Variants in AOPEP observed in about 807,000 individuals in gnomAD.
AOPEP encodes the protein aminopeptidase O.
In AOPEP, 77 loss-of-function variants were observed where a neutral mutation model predicts 98.1. That is an observed-to-expected ratio of 0.78 (90% CI 0.65 to 0.95). The LOEUF is 0.95. Ranked by LOEUF, AOPEP falls within the 40% of genes least tolerant of loss-of-function variation. The pLI is 0.00. For synonymous variants in AOPEP, 346 were observed against 365.3 expected, an observed-to-expected ratio of 0.95 and a Z score of 0.60; for missense variants, 1,024 against 1,024.7, an observed-to-expected ratio of 1.00 and a Z score of 0.01.
chr9:94,906,484 A>ATAATAAT (rs201137956), intron 5 of AOPEP, among the ~76,000 whole-genome samples: 5 of 79,768 alleles, frequency 6.3e-5, no homozygotes, highest in Non-Finnish European at 2.1e-4. Flanking sequence ...AATAATAATA[A>ATAATAAT]AAAAACAGAC....
chr9:95,051,140 A>T (rs1445169168), intron 13 of AOPEP, among the ~76,000 whole-genome samples: 1 of 138,946 alleles, frequency 7.2e-6, no homozygotes, highest in African/African-American at 2.6e-5. Flanking sequence ...CCCAGGCTGA[A>T]GTGCAATGGC....
At chr9:94,821,961 G>C (rs753859293) in intron 5 of AOPEP, among the ~76,000 whole-genome samples, 1 of 136,096 alleles carries the variant, frequency 7.3e-6, no homozygotes, top group Non-Finnish European at 1.6e-5. Context: ...TGTGCACCCT[G>C]TGTGTGTAAA....
chr9:94,984,328 C>T (rs1050950334), intron 11 of AOPEP, among the ~76,000 whole-genome samples: 7 of 152,062 alleles, frequency 4.6e-5, no homozygotes, highest in South Asian at 2.1e-4. Flanking sequence ...CGCACCTAGC[C>T]GGAGCTGATT....
intron 1 of AOPEP, among the ~76,000 whole-genome samples, chr9:94,732,728 A>T (rs1830837683): frequency 6.6e-6 from 1 of 152,202 alleles, no homozygotes; most frequent in African/African-American, 2.4e-5. Context: ...TTCTCTCCAG[A>T]CCATGAAAAT....
chr9:95,005,298 C>T (rs2061910970), intron 12 of AOPEP, 78 bp downstream of exon 12: 1 of 804,016 alleles, frequency 1.2e-6, no homozygotes, highest in African/African-American at 1.8e-5. Flanking sequence ...CCTGGCTCTG[C>T]GCTGCGGCGC....
At chr9:94,818,530 G>A (rs1012680217) in intron 5 of AOPEP, among the ~76,000 whole-genome samples, 1 of 152,176 alleles carries the variant, frequency 6.6e-6, no homozygotes, top group Non-Finnish European at 1.5e-5. Flanking sequence ...ATTTAGAGCA[G>A]CACCTACATT....
intron 5 of AOPEP, among the ~76,000 whole-genome samples, chr9:94,820,062 C>T (rs1474667575): frequency 1.3e-5 from 2 of 150,336 alleles, no homozygotes; most frequent in Non-Finnish European, 3.0e-5. Context: ...TCTCCTGCCT[C>T]ACCCTCCTGA....
intron 1 of AOPEP, among the ~76,000 whole-genome samples, chr9:94,747,041 GT>G (rs59283562): frequency 0.64 from 91,705 of 143,438 alleles, 28,894 homozygotes; most frequent in South Asian, 0.74. Context: ...ACTCCAGTGG[GT>G]TTTTTTTTTT....
chr9:94,895,219 T>TAAAAAAAAAAAAAAAAAAA (rs907258167), intron 5 of AOPEP, among the ~76,000 whole-genome samples: 1 of 60,690 alleles, frequency 1.6e-5, no homozygotes, highest in African/African-American at 5.2e-5. Flanking sequence ...TCATCTCTAC[T>TAAAAAAAAAAAAAAAAAAA]AAAAAAAAAT....
intron 5 of AOPEP, among the ~76,000 whole-genome samples, chr9:94,828,512 C>A (rs571659417): frequency 1.3e-5 from 2 of 152,036 alleles, no homozygotes; most frequent in East Asian, 3.9e-4. Context: ...TTGTGCTGGA[C>A]GCCAGGGATA....
the AOPEP span, among the ~76,000 whole-genome samples, chr9:95,106,731 C>A: frequency 6.6e-6 from 1 of 152,204 alleles, no homozygotes; most frequent in Non-Finnish European, 1.5e-5. Flanking sequence ...TTACTTCTTT[C>A]CATGAGGAGG....
chr9:94,937,250 A>G (rs1186220990), intron 7 of AOPEP, among the ~76,000 whole-genome samples: 1 of 152,246 alleles, frequency 6.6e-6, no homozygotes, highest in African/African-American at 2.4e-5. Flanking sequence ...GTGAAGATCC[A>G]GAGGATTTTA....
intron 5 of AOPEP, among the ~76,000 whole-genome samples, chr9:94,910,033 C>T (rs1380001971): frequency 1.3e-5 from 2 of 152,180 alleles, no homozygotes; most frequent in Non-Finnish European, 2.9e-5. Context: ...ACTGTCTCCC[C>T]CATTTCGGTT....
In AOPEP at chr9:94,923,777, T is replaced by G. The variant is rs114281934; in HGVS notation, c.1365-209T>G. On this transcript the variant is annotated intron_variant, in intron 5 of 16. Transcript: ENST00000375315. ...CCGTTTGATGATGGAGAAAACTGGT[T>G]GGCAGAAACGGCCACCTGAACTACA... Among the ~76,000 whole-genome samples the G allele has an allele frequency of 4.5e-3, 678 of 152,272 alleles. 5 individuals carry two copies. Among genetic ancestry groups the G allele is most frequent in the African/African-American group, 0.016 (649 of 41,546 alleles).
Position 94,760,047 on chromosome 9 carries a change from G to T in AOPEP, c.264G>T (p.Arg88Ser). Residue 88 changes from arginine to serine, a missense_variant, in exon 2 of 17, where the codon AGG becomes AGT. This residue lies in a region of AOPEP where 440 missense variants were observed against 433.8 expected (regional missense o/e 1.01). Transcript: ENST00000375315. ...EPCHIPVTNA[R>S]TFSSEMEYND... ...GCCATATTCCCGTGACAAATGCAAG[G>T]ACCTTCTCATCTGAAATGGAATATA... The T allele has an allele frequency of 6.2e-7, 1 of 1,614,170 alleles. No homozygotes were observed. The highest frequency in any genetic ancestry group is 8.5e-7 in the Non-Finnish European group (1 of 1,180,042).
At chr9:94,728,489 C>T (rs1417914575) in intron 1 of AOPEP, among the ~76,000 whole-genome samples, 2 of 152,170 alleles carry the variant, frequency 1.3e-5, no homozygotes, top group Non-Finnish European at 2.9e-5. Context: ...GATTTTTGAC[C>T]TCACTGTGCC....
chr9:95,012,044 C>T (rs1475812334), intron 13 of AOPEP, among the ~76,000 whole-genome samples: 1 of 152,142 alleles, frequency 6.6e-6, no homozygotes, highest in Non-Finnish European at 1.5e-5. Flanking sequence ...TTACATGTAT[C>T]AGATCATGTA....
chr9:94,921,782 T>C (rs1247269354), intron 5 of AOPEP, among the ~76,000 whole-genome samples: 3 of 151,986 alleles, frequency 2.0e-5, no homozygotes, highest in Non-Finnish European at 4.4e-5. Context: ...AGCCGGAAAA[T>C]TGCTTTTCAG....
At chr9:94,744,624 C>A (rs1834018377) in intron 1 of AOPEP, among the ~76,000 whole-genome samples, 2 of 148,950 alleles carry the variant, frequency 1.3e-5, no homozygotes, top group South Asian at 4.3e-4. Flanking sequence ...TCACTTCAAC[C>A]CAGGAGACGG....
Sources: allele counts gnomAD v4.1 joint callset (sites outside exome capture counted in the v4.1 genomes callset), GRCh38; gene constraint gnomAD v4.1.1; regional missense constraint gnomAD v4.1.1; transcripts MANE v1.5; gene names NCBI Gene and HGNC (gene_info 2026-07-23, HGNC 2026-07-21).